Variants in RBFOX3 observed in about 807,000 individuals in gnomAD.
The protein encoded by RBFOX3 is RNA binding fox-1 homolog 3.
A neutral mutation model predicts 48.7 loss-of-function variants in RBFOX3; 17 were observed. The observed-to-expected ratio is 0.35, with a 90% CI of 0.24 to 0.52. The LOEUF (loss-of-function observed/expected upper bound fraction) is 0.52, where lower values mean the gene tolerates loss of function less well. RBFOX3 is among the 20% of genes least tolerant of loss of function. The probability of loss-of-function intolerance (pLI) is 0.94; values close to 1 mark genes in which losing one functional copy is unlikely to be tolerated. For synonymous variants in RBFOX3, 212 were observed against 209.5 expected (o/e 1.01, Z -0.10); for missense variants, 382 against 497.5 (o/e 0.77, Z 2.21).
chr17:79,543,828 A>ACAGC (rs2090046174), intron 1 of RBFOX3, among the ~76,000 whole-genome samples: 1 of 147,078 alleles, frequency 6.8e-6, no homozygotes, highest in African/African-American at 2.5e-5. Context: ...CAGGAAAGAC[A>ACAGC]CAGCCAGGGT....
intron 2 of RBFOX3, among the ~76,000 whole-genome samples, chr17:79,316,780 ATTGT>A (rs2077598236): frequency 6.6e-6 from 1 of 152,250 alleles, no homozygotes; most frequent in Admixed American, 6.5e-5. Flanking sequence ...TAATGTTTTC[ATTGT>A]TTTAGTATAA....
At chr17:79,657,416 C>T in the RBFOX3 span, among the ~76,000 whole-genome samples, 7 of 152,186 alleles carry the variant, frequency 4.6e-5, no homozygotes, top group African/African-American at 1.7e-4. Context: ...CAGTGGCTCA[C>T]GCCTGTAATC....
intron 2 of RBFOX3, among the ~76,000 whole-genome samples, chr17:79,448,457 G>A (rs1555739589): frequency 6.6e-6 from 1 of 152,196 alleles, no homozygotes; most frequent in Non-Finnish European, 1.5e-5. Flanking sequence ...AGAAACAGAA[G>A]AGAAGAATGA....
chr17:79,607,867 C>G (rs2093870817), intron 1 of RBFOX3, among the ~76,000 whole-genome samples: 2 of 152,238 alleles, frequency 1.3e-5, no homozygotes, highest in South Asian at 4.1e-4. Flanking sequence ...ATAATCTCTC[C>G]ATTTCACCGA....
At chr17:79,333,758 G>T (rs1366909179) in intron 2 of RBFOX3, among the ~76,000 whole-genome samples, 2 of 152,104 alleles carry the variant, frequency 1.3e-5, no homozygotes, top group Admixed American at 6.6e-5. Context: ...GTCTCCCCCA[G>T]CTCCCTGATC....
At chr17:79,399,826 C>A (rs141244054) in intron 2 of RBFOX3, among the ~76,000 whole-genome samples, 36 of 152,278 alleles carry the variant, frequency 2.4e-4, no homozygotes, top group African/African-American at 7.9e-4. Context: ...AGCGTGAACG[C>A]GCCGCTGGAA....
intron 2 of RBFOX3, among the ~76,000 whole-genome samples, chr17:79,396,527 T>C (rs2062014306): frequency 6.6e-6 from 1 of 152,176 alleles, no homozygotes; most frequent in Non-Finnish European, 1.5e-5. Context: ...CCTTCCTTAA[T>C]GCAAATTTTA....
At chr17:79,216,842 G>A (rs907386910) in intron 4 of RBFOX3, among the ~76,000 whole-genome samples, 22 of 151,950 alleles carry the variant, frequency 1.4e-4, no homozygotes, top group African/African-American at 5.1e-4. Context: ...CCAAGTGGCA[G>A]AGCCAGATCC....
At chr17:79,097,885 C>G (rs923779173) in intron 9 of RBFOX3, 140 bp from the exon 10 acceptor site, 8 of 797,674 alleles carry the variant, frequency 1.0e-5, no homozygotes, top group Non-Finnish European at 1.5e-5. Flanking sequence ...GCCCCCCTTT[C>G]CCACACTGCC....
At chr17:79,417,334 G>A (rs2065539033) in intron 2 of RBFOX3, among the ~76,000 whole-genome samples, 1 of 152,196 alleles carries the variant, frequency 6.6e-6, no homozygotes, top group African/African-American at 2.4e-5. Flanking sequence ...CAGGAAAGAA[G>A]GGGCCTGGCT....
intron 1 of RBFOX3, among the ~76,000 whole-genome samples, chr17:79,533,801 G>T (rs1324084733): frequency 6.6e-6 from 1 of 152,174 alleles, no homozygotes; most frequent in Non-Finnish European, 1.5e-5. Flanking sequence ...ATTCACTGTA[G>T]AAAATTTAGA....
chr17:79,175,704 C>T (rs752328749), intron 4 of RBFOX3, among the ~76,000 whole-genome samples: 3 of 152,254 alleles, frequency 2.0e-5, no homozygotes, highest in East Asian at 3.8e-4. Flanking sequence ...AAGCTGGGCA[C>T]GCCCGAGTTG....
At chr17:79,095,713 G>A (rs2075094683) in intron 12 of RBFOX3, 139 bp from the exon 13 acceptor site, 10 of 713,028 alleles carry the variant, frequency 1.4e-5, no homozygotes, top group South Asian at 7.6e-5. Flanking sequence ...TCCCAGCCTC[G>A]GCTGGGTAAG....
At chr17:79,172,252 G>A (rs577531689) in intron 4 of RBFOX3, among the ~76,000 whole-genome samples, 1 of 148,708 alleles carries the variant, frequency 6.7e-6, no homozygotes, top group African/African-American at 2.5e-5. Flanking sequence ...TTTAAAAAAT[G>A]AACAGCAGAT....
intron 2 of RBFOX3, among the ~76,000 whole-genome samples, chr17:79,409,371 G>A (rs896881835): frequency 2.0e-5 from 3 of 152,188 alleles, no homozygotes; most frequent in African/African-American, 7.2e-5. Flanking sequence ...GTCTAGGAGC[G>A]AGACGGCCGG....
chr17:79,125,347 G>C (rs887754370), intron 4 of RBFOX3, among the ~76,000 whole-genome samples: 3 of 152,194 alleles, frequency 2.0e-5, no homozygotes, highest in Non-Finnish European at 4.4e-5. Context: ...TTGTGGGATG[G>C]GGACAATGAC....
chr17:79,530,028 C>G (rs962801019), intron 1 of RBFOX3, among the ~76,000 whole-genome samples: 1 of 152,222 alleles, frequency 6.6e-6, no homozygotes, highest in Non-Finnish European at 1.5e-5. Context: ...AGAAGTTCGC[C>G]GACCCCTGCT....
intron 1 of RBFOX3, among the ~76,000 whole-genome samples, chr17:79,604,742 A>G (rs1467590505): frequency 6.6e-6 from 1 of 152,232 alleles, no homozygotes; most frequent in Admixed American, 6.5e-5. Context: ...TCTTTCTCCA[A>G]ATTGTGGACC....
intron 5 of RBFOX3, among the ~76,000 whole-genome samples, chr17:79,110,859 G>A (rs1198149992): frequency 6.6e-6 from 1 of 152,246 alleles, no homozygotes; most frequent in African/African-American, 2.4e-5. Context: ...CTGGGTAGGG[G>A]CATCTCAGCT....
Sources: allele counts gnomAD v4.1 joint callset (sites outside exome capture counted in the v4.1 genomes callset), GRCh38; gene constraint gnomAD v4.1.1; transcripts MANE v1.5; gene names NCBI Gene and HGNC (gene_info 2026-07-23, HGNC 2026-07-21).